Variants in SDK1 observed in about 807,000 individuals in gnomAD.
SDK1 encodes the protein sidekick cell adhesion molecule 1.
In SDK1, 157 loss-of-function variants were observed where a neutral mutation model predicts 245.5. That is an observed-to-expected ratio of 0.64 (90% CI 0.56 to 0.73). SDK1 has a LOEUF of 0.73. Among genes scored for constraint, SDK1 ranks in the 30% least tolerant of loss-of-function variants. The probability of loss-of-function intolerance (pLI) is 0.00; values close to 1 mark genes in which losing one functional copy is unlikely to be tolerated. For synonymous variants in SDK1, 1,647 were observed against 1,278.5 expected (o/e 1.29, Z -6.15); for missense variants, 3,583 against 3,002.3 (o/e 1.19, Z -4.52).
At chr7:3,561,941 CT>C (rs1330949999) in intron 1 of SDK1, among the ~76,000 whole-genome samples, 6 of 152,150 alleles carry the variant, frequency 3.9e-5, no homozygotes, top group Admixed American at 3.9e-4. Context: ...CTTTCATTTT[CT>C]TGTTAAAATG....
At chr7:4,037,290 C>T (rs188438279) in intron 17 of SDK1, among the ~76,000 whole-genome samples, 154 of 152,270 alleles carry the variant, frequency 1.0e-3, no homozygotes, top group South Asian at 1.0e-2. Context: ...TTAGTAACAA[C>T]ACTTGATGTG....
chr7:3,578,124 C>T lies in SDK1; in HGVS notation c.299-40956C>T, dbSNP rs141525803. ...TCAGGGGAACCCACCCCCAATATTT[C>T]AACATAGGTTCTTTCTATTTTCCAT... On this transcript the variant is annotated intron_variant, in intron 1 of 44. Coordinates refer to ENST00000404826, the MANE Select transcript of SDK1 (RefSeq NM_152744.4). Among the ~76,000 whole-genome samples the T allele has an allele frequency of 2.6e-3, 394 of 152,082 alleles. 2 individuals are homozygous for T. Among genetic ancestry groups the T allele is most frequent in the African/African-American group, 9.0e-3 (375 of 41,518 alleles).
At chr7:3,504,178 A>ATGTGTGTGTGTGTG (rs1159786202) in intron 1 of SDK1, among the ~76,000 whole-genome samples, 104 of 52,414 alleles carry the variant, frequency 2.0e-3, no homozygotes, top group Middle Eastern at 8.8e-3. Flanking sequence ...TTATATATAT[A>ATGTGTGTGTGTGTG]TATATGTGTG....
intron 19 of SDK1, among the ~76,000 whole-genome samples, chr7:4,055,295 T>C (rs1351584851): frequency 1.3e-5 from 2 of 152,196 alleles, no homozygotes; most frequent in African/African-American, 4.8e-5. Context: ...ATCCAGGTTG[T>C]CTGTTTCATC....
At chr7:4,174,885 C>T (rs919152408) in intron 33 of SDK1, among the ~76,000 whole-genome samples, 13 of 152,208 alleles carry the variant, frequency 8.5e-5, no homozygotes, top group Admixed American at 7.9e-4. Context: ...CTGCCCTGCC[C>T]GTTCCCACCC....
chr7:4,166,825 A>T (rs935567), intron 32 of SDK1, among the ~76,000 whole-genome samples: 24 of 152,174 alleles, frequency 1.6e-4, no homozygotes, highest in Non-Finnish European at 2.8e-4. Flanking sequence ...TAGGAGAGTT[A>T]GGCCCTGCCC....
intron 28 of SDK1, among the ~76,000 whole-genome samples, chr7:4,139,391 G>A (rs1584263375): frequency 1.3e-5 from 2 of 151,240 alleles, no homozygotes; most frequent in Non-Finnish European, 1.5e-5. Flanking sequence ...ATGTACGTGT[G>A]TGTGTATATG....
chr7:3,941,039 C>T (rs936298956), intron 5 of SDK1, among the ~76,000 whole-genome samples: 3 of 151,932 alleles, frequency 2.0e-5, no homozygotes, highest in African/African-American at 7.3e-5. Context: ...CCTCCTGACC[C>T]ACCAGCACTG....
chr7:3,701,231 A>G (rs934889681), intron 4 of SDK1, among the ~76,000 whole-genome samples: 3 of 152,252 alleles, frequency 2.0e-5, no homozygotes, highest in African/African-American at 7.2e-5. Context: ...TAAATCCAAC[A>G]GAACATATAC....
chr7:3,361,272 T>C (rs899628329), intron 1 of SDK1, among the ~76,000 whole-genome samples: 1 of 152,218 alleles, frequency 6.6e-6, no homozygotes, highest in African/African-American at 2.4e-5. Context: ...CTTAAAAAAT[T>C]CATTTTAAAA....
At chr7:3,490,143 C>T (rs1335371540) in intron 1 of SDK1, among the ~76,000 whole-genome samples, 1 of 152,182 alleles carries the variant, frequency 6.6e-6, no homozygotes, top group African/African-American at 2.4e-5. Flanking sequence ...AAACTATGGA[C>T]TACTAGTATA....
chr7:3,871,150 CTT>C lies in SDK1; in HGVS notation c.847+49579_847+49580del, dbSNP rs200291112. Reference sequence around the variant, plus strand: ...AGATTTATACCTAAGTATTTCTTGACTTTTTTTTTTTTTGGTGCTAGTGTAAA... The same window carrying C: ...AGATTTATACCTAAGTATTTCTTGACTTTTTTTTTTTGGTGCTAGTGTAAA... On this transcript the variant is annotated intron_variant, in intron 5 of 44. Coordinates refer to ENST00000404826, the MANE Select transcript of SDK1 (RefSeq NM_152744.4). 2.1e-3 allele frequency among the ~76,000 whole-genome samples: 296 copies of C among 143,418 alleles called. 3 individuals carry two copies. Among genetic ancestry groups the C allele is most frequent in the South Asian group, 0.013 (57 of 4,556 alleles). The allele number at this position is 143,418 out of a possible 152,430, so 94.1% of individuals were successfully genotyped here.
intron 1 of SDK1, among the ~76,000 whole-genome samples, chr7:3,535,093 G>A (rs543526154): frequency 2.6e-5 from 4 of 152,084 alleles, no homozygotes; most frequent in Non-Finnish European, 5.9e-5. Context: ...GGCCAACATG[G>A]TGAAACCCCG....
chr7:3,328,865 T>G (rs1006428667), intron 1 of SDK1, among the ~76,000 whole-genome samples: 1 of 152,130 alleles, frequency 6.6e-6, no homozygotes, highest in Non-Finnish European at 1.5e-5. Flanking sequence ...TGTTTTAAAG[T>G]AAGTAGAAGT....
chr7:4,082,222 G>T (rs577410658), intron 22 of SDK1, among the ~76,000 whole-genome samples: 1 of 152,082 alleles, frequency 6.6e-6, no homozygotes, highest in Non-Finnish European at 1.5e-5. Context: ...TCGTCTGTGA[G>T]CTTGCCTGTA....
chr7:4,149,055 AAAAAC>A (rs59907207), intron 29 of SDK1, among the ~76,000 whole-genome samples: 48 of 151,496 alleles, frequency 3.2e-4, no homozygotes, highest in African/African-American at 4.9e-4. Flanking sequence ...ACTCTGTCTC[AAAAAC>A]AAAACAAAAC....
intron 1 of SDK1, among the ~76,000 whole-genome samples, chr7:3,378,815 G>C (rs1315669958): frequency 1.3e-5 from 2 of 151,984 alleles, no homozygotes; most frequent in East Asian, 1.9e-4. Flanking sequence ...CTGCTCGCTG[G>C]GGGGCCGGCG....
chr7:4,180,873 G>T (rs1005455536), intron 35 of SDK1, among the ~76,000 whole-genome samples: 1 of 150,306 alleles, frequency 6.7e-6, no homozygotes, highest in African/African-American at 2.4e-5. Flanking sequence ...ATCCCCTCCC[G>T]CCAGGCCCCA....
chr7:4,175,164 G>T (rs1401081691), intron 33 of SDK1, among the ~76,000 whole-genome samples: 1 of 152,200 alleles, frequency 6.6e-6, no homozygotes, highest in Non-Finnish European at 1.5e-5. Context: ...TGCTCACACA[G>T]CTTGACCCCA....
Sources: allele counts gnomAD v4.1 joint callset (sites outside exome capture counted in the v4.1 genomes callset), GRCh38; gene constraint gnomAD v4.1.1; transcripts MANE v1.5; gene names NCBI Gene and HGNC (gene_info 2026-07-23, HGNC 2026-07-21).